AKAP13: variants seen among roughly 807,000 people sequenced by gnomAD.
The protein encoded by AKAP13 is A-kinase anchor protein 13.
A neutral mutation model predicts 264.5 loss-of-function variants in AKAP13; 80 were observed. The ratio of observed to expected loss-of-function variants is 0.30; its 90% CI spans 0.25 to 0.36. AKAP13 has a LOEUF of 0.36. Ranked by LOEUF, AKAP13 falls within the 10% of genes least tolerant of loss-of-function variation. The pLI is 1.00. For synonymous variants in AKAP13, 1,380 were observed against 1,250.2 expected, an observed-to-expected ratio of 1.10 and a Z score of -2.19; for missense variants, 3,712 against 3,435.2, an observed-to-expected ratio of 1.08 and a Z score of -2.01.
chr15:85,543,850 A>C lies in AKAP13; in HGVS notation c.557A>C (p.Lys186Thr). 6.2e-7 allele frequency: 1 copy of C among 1,614,172 alleles called. No homozygotes were observed. The highest frequency in any genetic ancestry group is 8.5e-7 in the Non-Finnish European group (1 of 1,180,012). The change falls in exon 5 of 37, where the codon AAG (lysine) becomes ACG (threonine). Residue 186 changes from lysine (K) to threonine (T), a missense_variant. By Grantham distance (78) the Lys-to-Thr change is moderately conservative (BLOSUM62 -1). This residue lies in a region of AKAP13 where 2,759 missense variants were observed against 2,411.7 expected (regional missense o/e 1.14). Transcript: ENST00000394518. The part of the protein sequence containing the change: ...LLRLTWFLLQ[K>T]PGGRGALSIH... ...AGGTTGACGTGGTTCCTGTTGCAGA[A>C]GCCAGGTGGCCGCGGAGCTCTCAGT...
intron 5 of AKAP13, among the ~76,000 whole-genome samples, chr15:85,563,309 C>G (rs371880441): frequency 7.7e-6 from 1 of 129,902 alleles, no homozygotes; most frequent in Non-Finnish European, 1.6e-5. Flanking sequence ...TATTGTCCTT[C>G]ATTTGAGTAG....
chr15:85,577,598 A>C (rs2079058008), intron 6 of AKAP13, among the ~76,000 whole-genome samples: 1 of 152,178 alleles, frequency 6.6e-6, no homozygotes, highest in Non-Finnish European at 1.5e-5. Flanking sequence ...TGATTTTCTT[A>C]ATCATTCCCA....
rs140893252 is a variant in AKAP13, at chr15:85,617,647, G to T, written c.4162-21727G>T. ...TTGATTCTAATTAAAACAGAAGGGAGTGGCAGTGAGGAACAAACCATATTG... is the reference window on the plus strand; with the variant it reads ...TTGATTCTAATTAAAACAGAAGGGATTGGCAGTGAGGAACAAACCATATTG... On this transcript the variant is annotated intron_variant, in intron 8 of 36. Coordinates refer to ENST00000394518, the MANE Select transcript of AKAP13 (RefSeq NM_007200.5). Among the ~76,000 whole-genome samples, 962 of 152,336 alleles carry T rather than the reference G, an allele frequency of 6.3e-3. 11 individuals carry two copies. The highest frequency in any genetic ancestry group is 0.022 in the African/African-American group (903 of 41,570).
chr15:85,474,064 G>A (rs537603260), intron 1 of AKAP13, among the ~76,000 whole-genome samples: 1 of 152,304 alleles, frequency 6.6e-6, no homozygotes, highest in African/African-American at 2.4e-5. Flanking sequence ...TGTGATATCA[G>A]TTCTTTCTCT....
rs115729355 is a variant in AKAP13 at position 85,603,195 on chromosome 15, C to T, written c.4161+17372C>T. Among the ~76,000 whole-genome samples, 260 of 152,306 alleles carry T rather than the reference C, an allele frequency of 1.7e-3. 2 individuals are homozygous for T. Among genetic ancestry groups the T allele is most frequent in the African/African-American group, 5.4e-3 (224 of 41,564 alleles). The stretch of plus-strand genomic sequence containing the variant: ...CAGTTTAGCTCACAACATAAAATAA[C>T]TGTACAAGTGATTTTTCTCAAGACA... On this transcript the variant is annotated intron_variant, in intron 8 of 36. Coordinates refer to ENST00000394518, the MANE Select transcript of AKAP13 (RefSeq NM_007200.5).
At chr15:85,422,679 C>T (rs1352482280) in intron 1 of AKAP13, among the ~76,000 whole-genome samples, 1 of 152,184 alleles carries the variant, frequency 6.6e-6, no homozygotes, top group Non-Finnish European at 1.5e-5. Flanking sequence ...GAAAGAAAAA[C>T]CAATCCAACT....
intron 10 of AKAP13, among the ~76,000 whole-genome samples, chr15:85,649,668 C>T (rs1015528536): frequency 1.3e-5 from 2 of 152,136 alleles, no homozygotes; most frequent in Non-Finnish European, 2.9e-5. Flanking sequence ...TTCAGTATGC[C>T]TCCTGGTAAA....
intron 1 of AKAP13, among the ~76,000 whole-genome samples, chr15:85,453,089 T>C (rs1201564316): frequency 6.6e-6 from 1 of 152,178 alleles, no homozygotes; most frequent in East Asian, 1.9e-4. Context: ...CTGTGGGAGA[T>C]GGACTGGCCT....
In AKAP13 at chr15:85,719,195, T is replaced by A. The variant is rs1254083465; in HGVS notation, c.6121T>A (p.Cys2041Ser). ...GCAGATGGTAGAAAAGCTGTTCCCCTGTTTGGATGAGCTGATCAGTATCCA... is the reference window on the plus strand; with the variant it reads ...GCAGATGGTAGAAAAGCTGTTCCCCAGTTTGGATGAGCTGATCAGTATCCA... ...EQQMVEKLFP[C>S]LDELISIHSQ... The change falls in exon 23 of 37, where the codon TGT becomes AGT. Residue 2041 changes from cysteine to serine, a missense_variant. Coordinates refer to ENST00000394518, the MANE Select transcript of AKAP13 (RefSeq NM_007200.5). The A allele has an allele frequency of 6.2e-7, 1 of 1,614,188 alleles. No homozygotes were observed. The highest frequency in any genetic ancestry group is 8.5e-7 in the Non-Finnish European group (1 of 1,180,038).
intron 34 of AKAP13, 110 bp from the exon 35 acceptor site, chr15:85,740,936 T>A: frequency 2.0e-6 from 3 of 1,483,856 alleles, no homozygotes; most frequent in Non-Finnish European, 2.7e-6. Context: ...GAGGGGAGAG[T>A]TCTAGTCCGT....
At chr15:85,699,543 G>A (rs2085784562) in intron 17 of AKAP13, among the ~76,000 whole-genome samples, 1 of 152,120 alleles carries the variant, frequency 6.6e-6, no homozygotes, top group Non-Finnish European at 1.5e-5. Context: ...AGGAGTTGAA[G>A]AGGACTCTTT....
At chr15:85,678,740 G>C (rs1321994274) in intron 14 of AKAP13, among the ~76,000 whole-genome samples, 3 of 152,012 alleles carry the variant, frequency 2.0e-5, no homozygotes, top group African/African-American at 7.2e-5. Context: ...ATAGTGATGG[G>C]CACCTGTAGT....
At chr15:85,679,289 G>A (rs550619551) in intron 14 of AKAP13, among the ~76,000 whole-genome samples, 6 of 152,010 alleles carry the variant, frequency 3.9e-5, no homozygotes, top group African/African-American at 1.4e-4. Flanking sequence ...ACAGAATTAT[G>A]ATCCTATAAC....
intron 8 of AKAP13, among the ~76,000 whole-genome samples, chr15:85,633,970 A>G (rs188042793): frequency 1.3e-5 from 2 of 152,234 alleles, no homozygotes; most frequent in Admixed American, 1.3e-4. Context: ...TTCAGAAAGG[A>G]TATTTTTAAA....
At chr15:85,428,823 T>A (rs943212617) in intron 1 of AKAP13, among the ~76,000 whole-genome samples, 1 of 152,212 alleles carries the variant, frequency 6.6e-6, no homozygotes, top group African/African-American at 2.4e-5. Context: ...GGAATGACCA[T>A]CCACTACTTT....
chr15:85,667,624 A>G (rs963369076), intron 13 of AKAP13, among the ~76,000 whole-genome samples: 6 of 152,270 alleles, frequency 3.9e-5, no homozygotes, highest in Non-Finnish European at 8.8e-5. Context: ...AAACAGAATC[A>G]TAGGCCAAGA....
intron 2 of AKAP13, among the ~76,000 whole-genome samples, chr15:85,518,105 T>C (rs992227648): frequency 6.6e-6 from 1 of 152,212 alleles, no homozygotes; most frequent in Non-Finnish European, 1.5e-5. Flanking sequence ...TGTCTATTTA[T>C]TCTTGTAGGC....
chr15:85,714,481 T>C (rs1161815749), intron 19 of AKAP13, among the ~76,000 whole-genome samples: 3 of 152,210 alleles, frequency 2.0e-5, no homozygotes, highest in East Asian at 3.9e-4. Context: ...ATCATCAAAA[T>C]CTATGCTCGC....
chr15:85,482,830 G>A (rs2075391476), intron 1 of AKAP13, among the ~76,000 whole-genome samples: 1 of 152,298 alleles, frequency 6.6e-6, no homozygotes, highest in Admixed American at 6.5e-5. Context: ...AAGTCTGAAA[G>A]CAACCTGAAT....
Sources: gnomAD v4.1 joint callset for allele counts (sites outside exome capture counted in the v4.1 genomes callset) on GRCh38, gnomAD v4.1.1 for gene constraint, gnomAD v4.1.1 regional missense constraint, MANE v1.5 for transcripts, NCBI Gene and HGNC (gene_info 2026-07-23, HGNC 2026-07-21) for gene names.